The following CA6 variants were observed in gnomAD, a reference collection of about 807,000 sequenced individuals.
CA6 encodes the protein carbonic anhydrase 6.
In CA6, 28 loss-of-function variants were observed where a neutral mutation model predicts 35.9. That is an observed-to-expected ratio of 0.78 (90% CI 0.58 to 1.07). CA6 has a LOEUF of 1.07. CA6 is among the 50% of genes least tolerant of loss of function. CA6 has a pLI of 0.00. For synonymous variants in CA6, 148 were observed against 152.6 expected, an observed-to-expected ratio of 0.97 and a Z score of 0.22; for missense variants, 377 against 382.0, an observed-to-expected ratio of 0.99 and a Z score of 0.11.
At chr1:8,972,739 A>T (rs1436979309) in intron 7 of CA6, among the ~76,000 whole-genome samples, 2 of 152,050 alleles carry the variant, frequency 1.3e-5, no homozygotes, top group Admixed American at 6.6e-5. Context: ...CCCCAACCCG[A>T]ATAAGGCCTA....
intron 3 of CA6, 134 bp downstream of exon 3, chr1:8,957,419 C>T (rs1639718384): frequency 2.6e-6 from 2 of 759,142 alleles, no homozygotes; most frequent in Non-Finnish European, 4.1e-6. Context: ...CAGCTCACTG[C>T]AACCTCCGCC....
At chr1:8,959,936 A>AT (rs1639793357) in intron 4 of CA6, among the ~76,000 whole-genome samples, 1 of 148,740 alleles carries the variant, frequency 6.7e-6, no homozygotes, top group South Asian at 2.1e-4. Flanking sequence ...TATCTCAAAA[A>AT]AAAAAAAAAA....
At chr1:8,946,631 G>A (rs1639370663) in intron 1 of CA6, among the ~76,000 whole-genome samples, 1 of 151,892 alleles carries the variant, frequency 6.6e-6, no homozygotes, top group South Asian at 2.1e-4. Flanking sequence ...CGTGTAAGTG[G>A]AAAACAAAGT....
chr1:8,961,978 G>A (rs1033713606), intron 4 of CA6, among the ~76,000 whole-genome samples: 30 of 152,158 alleles, frequency 2.0e-4, no homozygotes, highest in Admixed American at 1.2e-3. Context: ...GGTGGCTCAC[G>A]CCTGTAATCC....
At chr1:8,947,246 T>C (rs1639389621) in intron 1 of CA6, among the ~76,000 whole-genome samples, 1 of 152,094 alleles carries the variant, frequency 6.6e-6, no homozygotes, top group Admixed American at 6.6e-5. Context: ...TGAGGAGAGC[T>C]TCTTCCCGCA....
At chr1:8,954,160 T>C (rs953207328) in intron 2 of CA6, among the ~76,000 whole-genome samples, 9 of 148,470 alleles carry the variant, frequency 6.1e-5, no homozygotes, top group Admixed American at 3.4e-4. Context: ...CCATTCTTTA[T>C]TCCACTACTT....
intron 6 of CA6, among the ~76,000 whole-genome samples, chr1:8,969,006 A>G (rs1427528937): frequency 6.6e-6 from 1 of 150,526 alleles, no homozygotes; most frequent in African/African-American, 2.5e-5. Flanking sequence ...CAACAGAGCA[A>G]AACCCTGTCT....
At chr1:8,959,584 G>A (rs904465365) in intron 4 of CA6, among the ~76,000 whole-genome samples, 2 of 151,876 alleles carry the variant, frequency 1.3e-5, no homozygotes, top group Non-Finnish European at 2.9e-5. Context: ...AAAGTGCTGG[G>A]ATTACAGGCA....
chr1:8,970,205 C>CAAAAAAAAAAAAAAAAAAAAAA (rs57388930), intron 6 of CA6, among the ~76,000 whole-genome samples: 1 of 88,038 alleles, frequency 1.1e-5, no homozygotes, highest in Non-Finnish European at 2.3e-5. Context: ...ACTCTGGTCT[C>CAAAAAAAAAAAAAAAAAAAAAA]AAAAAAAAAA....
chr1:8,971,590 C>T (rs1421560642), intron 7 of CA6, among the ~76,000 whole-genome samples: 2 of 152,196 alleles, frequency 1.3e-5, no homozygotes, highest in Middle Eastern at 3.4e-3. Flanking sequence ...GGATTACAGG[C>T]GGGAGCCACC....
rs1302722025 is a variant in CA6, at chr1:8,973,764, C to A, written c.845-858C>A. 8.9e-5 allele frequency among the ~76,000 whole-genome samples: 2 copies of A among 22,422 alleles called. 1 individual carries two copies. The highest frequency in any genetic ancestry group is 6.0e-3 in the South Asian group (2 of 332). The allele number at this position is 22,422 out of a possible 152,430, so 14.7% of individuals were successfully genotyped here. A position where few individuals can be genotyped will look rare whatever the true frequency, so the allele number is the denominator to read the frequency against. On this transcript the variant is annotated intron_variant, in intron 7 of 7. Transcript: ENST00000377443. ...TCTTTCTTTCTTTCTTTCTTTCTTT[C>A]TTTCTTTCTTTCTTTCTTTCTTTTC...
At chr1:8,958,761 A>C (rs1639756701) in intron 3 of CA6, 149 bp from the exon 4 acceptor site, 1 of 551,628 alleles carries the variant, frequency 1.8e-6, no homozygotes. Flanking sequence ...TGCAGCCCAG[A>C]TGGAGAGAGA....
In CA6 at chr1:8,963,966, AGCC is replaced by A. The variant is rs1055674657; in HGVS notation, c.571+1311_571+1313del. Among the ~76,000 whole-genome samples the A allele has an allele frequency of 6.6e-5, 10 of 152,296 alleles. No homozygotes were observed. The highest frequency in any genetic ancestry group is 7.4e-5 in the Non-Finnish European group (5 of 68,018). On this transcript the variant is annotated intron_variant, in intron 5 of 7. Coordinates refer to ENST00000377443, the MANE Select transcript of CA6 (RefSeq NM_001215.4). This position sits in a 1 kb window ranked among gnomAD's most constrained non-coding sequence, Gnocchi z 4.1. ...TCACATGCTTTCTCCTCTCTCCTGA[AGCC>A]CCTGTGCCTGGGCTCCAGCAATTCC...
Position 8,974,488 on chromosome 1 carries a change from G to A in CA6, c.845-134G>A, listed in dbSNP as rs116135939. Reference sequence around the variant, plus strand: ...TGACTAAAGGCAATGCACCGGGCACGTGGAGAGCATTCTAAGGAATCAAAA... The same window carrying A: ...TGACTAAAGGCAATGCACCGGGCACATGGAGAGCATTCTAAGGAATCAAAA... On this transcript the variant is annotated intron_variant, in intron 7 of 7. Transcript: ENST00000377443. 4.4e-4 allele frequency: 653 copies of A among 1,474,914 alleles called. 1 individual carries two copies. The African/African-American group carries it at 7.2e-3, about 16-fold the overall frequency. The allele number at this position is 1,474,914 out of a possible 1,614,324, so 91.4% of individuals were successfully genotyped here. A position where few individuals can be genotyped will look rare whatever the true frequency, so the allele number is the denominator to read the frequency against.
In CA6 at chr1:8,951,727, C is replaced by T. The variant is rs200512462; in HGVS notation, c.259+2285C>T. On this transcript the variant is annotated intron_variant, in intron 2 of 7. Coordinates refer to ENST00000377443, the MANE Select transcript of CA6 (RefSeq NM_001215.4). ...AGGGCTCTGCTCAAATTTCTGTGGT[C>T]CGGAAGCCTGTTCCTTTGGGGTTCT... The T allele has an allele frequency of 4.9e-4, 368 of 753,144 alleles. 1 individual carries two copies. The highest frequency in any genetic ancestry group is 1.3e-3 in the Middle Eastern group (4 of 3,188). The allele number at this position is 753,144 out of a possible 1,614,324, so 46.7% of individuals were successfully genotyped here. A position where few individuals can be genotyped will look rare whatever the true frequency, so the allele number is the denominator to read the frequency against.
At chr1:8,952,421 G>A (rs1054996018) in intron 2 of CA6, 4 of 152,058 alleles carry the variant, frequency 2.6e-5, no homozygotes, top group Admixed American at 1.3e-4. Flanking sequence ...ATATGCATAA[G>A]CCACCGTGCC....
chr1:8,962,486 A>G, intron 4 of CA6, 101 bp from the exon 5 acceptor site: 1 of 977,030 alleles, frequency 1.0e-6, no homozygotes, highest in South Asian at 1.3e-5. Context: ...CTTACTCTCT[A>G]GGCTCGGCCC....
At chr1:8,962,536 G>A (rs1182333134) in intron 4 of CA6, 51 bp from the exon 5 acceptor site, 1 of 1,445,744 alleles carries the variant, frequency 6.9e-7, no homozygotes, top group Admixed American at 1.7e-5. Flanking sequence ...AGTAGCGATG[G>A]TGCTGGGGCC....
At chr1:8,945,986 T>C (rs769644099) in intron 1 of CA6, 21 bp downstream of exon 1, 1 of 1,544,500 alleles carries the variant, frequency 6.5e-7, no homozygotes, top group East Asian at 2.2e-5. Flanking sequence ...AGCTTCTGCA[T>C]GCTCCCCCAG....
Sources: gnomAD v4.1 joint callset for allele counts (sites outside exome capture counted in the v4.1 genomes callset) on GRCh38, gnomAD v4.1.1 for gene constraint, Gnocchi (gnomAD v3.1) non-coding constraint, MANE v1.5 for transcripts, NCBI Gene and HGNC (gene_info 2026-07-23, HGNC 2026-07-21) for gene names.